Variants in ADCY9 observed in about 807,000 individuals in gnomAD.
ADCY9 encodes adenylate cyclase 9.
Under a neutral mutation model 101.5 loss-of-function variants are expected in ADCY9, and 50 were observed. The observed-to-expected ratio is 0.49, with a 90% confidence interval of 0.39 to 0.62. ADCY9 has a LOEUF of 0.62. ADCY9 is among the 20% of genes least tolerant of loss of function. The pLI, the probability that ADCY9 is intolerant of heterozygous loss-of-function variation, is 0.00. For missense variants in ADCY9, 1,662 were observed against 1,800.4 expected, an observed-to-expected ratio of 0.92 and a Z score of 1.39; for synonymous variants, 905 against 769.3, an observed-to-expected ratio of 1.18 and a Z score of -2.92.
chr16:4,028,978 T>A (rs574396244), intron 2 of ADCY9, among the ~76,000 whole-genome samples: 51 of 152,020 alleles, frequency 3.4e-4, no homozygotes, highest in African/African-American at 1.2e-3. Context: ...AGAGACGGGG[T>A]TTCACCATCT....
chr16:4,061,289 A>C (rs1012526305), intron 2 of ADCY9, among the ~76,000 whole-genome samples: 1 of 152,196 alleles, frequency 6.6e-6, no homozygotes, highest in South Asian at 2.1e-4. Context: ...AGCAGAAAAA[A>C]TTTTTTGAAA....
chr16:4,092,853 A>C (rs1286779530), intron 2 of ADCY9, among the ~76,000 whole-genome samples: 1 of 152,208 alleles, frequency 6.6e-6, no homozygotes, highest in Admixed American at 6.5e-5. Context: ...AATGTAACGA[A>C]GTAAAAACCA....
Position 3,974,652 on chromosome 16 carries a change from C to T in ADCY9, c.2870+17G>A, listed in dbSNP as rs2056079011. The T allele has an allele frequency of 1.2e-6, 2 of 1,606,730 alleles. No individual in the cohort carries two copies. The highest frequency in any genetic ancestry group is 1.7e-6 in the Non-Finnish European group (2 of 1,173,710). On this transcript the variant is annotated intron_variant, in intron 10 of 10. Transcript: ENST00000294016. Reference sequence around the variant, plus strand: ...ACTCTCGTTTATTCAGACAGAAGTGCAATATTAAAAGCTTACCTGAAATTC... The same window carrying T: ...ACTCTCGTTTATTCAGACAGAAGTGTAATATTAAAAGCTTACCTGAAATTC...
At position 3,981,067 on chromosome 16, in the gene ADCY9, C is replaced by T. The variant is rs374878102; in HGVS notation, c.2520-1792G>A. The stretch of plus-strand genomic sequence containing the variant: ...TCCCGTCAACCTGGGGTCCTCAACA[C>T]GGCCCTCAGAGGGGCCAGGGAAGCC... On this transcript the variant is annotated intron_variant, in intron 7 of 10. Transcript: ENST00000294016. Among the ~76,000 whole-genome samples, 3 of 152,226 alleles carry T rather than the reference C, an allele frequency of 2.0e-5. No individual in the cohort carries two copies. The East Asian group carries it at 5.8e-4, about 29-fold the overall frequency.
chr16:4,047,256 A>G (rs760591385), intron 2 of ADCY9, among the ~76,000 whole-genome samples: 19 of 152,070 alleles, frequency 1.2e-4, no homozygotes, highest in Non-Finnish European at 2.8e-4. Flanking sequence ...ATGTTTGGAC[A>G]CCCTTCTCCT....
intron 2 of ADCY9, chr16:4,015,426 C>G (rs1479271036): frequency 6.6e-6 from 1 of 152,130 alleles, no homozygotes; most frequent in Non-Finnish European, 1.5e-5. Context: ...AGAAATGAGT[C>G]TCTGAGAGAC....
downstream of ADCY9, among the ~76,000 whole-genome samples, chr16:3,958,817 C>T (rs146284715): frequency 6.6e-3 from 995 of 151,434 alleles, 11 homozygotes; most frequent in East Asian, 0.051. Context: ...ACCACAGGCA[C>T]CCACCACTAC....
intron 2 of ADCY9, among the ~76,000 whole-genome samples, chr16:4,102,485 G>A (rs1255465337): frequency 6.6e-6 from 1 of 152,182 alleles, no homozygotes; most frequent in Non-Finnish European, 1.5e-5. Context: ...GAGAGCAGTG[G>A]CATGATCTCA....
At chr16:4,106,315 A>G (rs1175326330) in intron 2 of ADCY9, among the ~76,000 whole-genome samples, 2 of 152,246 alleles carry the variant, frequency 1.3e-5, no homozygotes, top group African/African-American at 4.8e-5. Flanking sequence ...CAGTCTTCCC[A>G]GGGGAGGACC....
At chr16:4,071,157 C>T (rs1379963820) in intron 2 of ADCY9, among the ~76,000 whole-genome samples, 1 of 143,834 alleles carries the variant, frequency 7.0e-6, no homozygotes, top group Non-Finnish European at 1.5e-5. Flanking sequence ...TGGTAATATC[C>T]CATCTCTCCT....
intron 2 of ADCY9, among the ~76,000 whole-genome samples, chr16:4,051,927 G>A (rs2056704438): frequency 6.6e-6 from 1 of 152,140 alleles, no homozygotes; most frequent in Non-Finnish European, 1.5e-5. Context: ...CTCCCCACCA[G>A]AAACAGTACT....
Position 3,965,577 on chromosome 16 carries a change from A to G in ADCY9, c.*198T>C. On this transcript the variant is annotated 3_prime_UTR_variant, in exon 11 of 11. Coordinates refer to ENST00000294016, the MANE Select transcript of ADCY9 (RefSeq NM_001116.4). ...ATGACCCAGAGGCAGCGGGGTTTCCAGGGAAGGGAGCGAAAGGGAAGAATG... is the reference window on the plus strand; with the variant it reads ...ATGACCCAGAGGCAGCGGGGTTTCCGGGGAAGGGAGCGAAAGGGAAGAATG... The G allele has an allele frequency of 1.6e-6, 1 of 614,192 alleles. No homozygotes were observed. 38.0% of individuals were successfully genotyped at this position (614,192 alleles called of 1,614,324 possible).
At chr16:4,109,319 T>C (rs1173319594) in intron 2 of ADCY9, among the ~76,000 whole-genome samples, 1 of 152,196 alleles carries the variant, frequency 6.6e-6, no homozygotes, top group Non-Finnish European at 1.5e-5. Flanking sequence ...AACCTCGACC[T>C]CGTGGGCTCC....
At position 3,965,557 on chromosome 16, in the gene ADCY9, C is replaced by G. The variant is rs892516143; in HGVS notation, c.*218G>C. 1.7e-6 allele frequency: 1 copy of G among 596,564 alleles called. No individual in the cohort carries two copies. Among genetic ancestry groups the G allele is most frequent in the African/African-American group, 1.9e-5 (1 of 53,798 alleles). 37.0% of individuals were successfully genotyped at this position (596,564 alleles called of 1,614,324 possible). A position where few individuals can be genotyped will look rare whatever the true frequency, so the allele number is the denominator to read the frequency against. On this transcript the variant is annotated 3_prime_UTR_variant, in exon 11 of 11. Coordinates refer to ENST00000294016, the MANE Select transcript of ADCY9 (RefSeq NM_001116.4). ...CTCCACCACGTGCTGAACGGATGAC[C>G]CAGAGGCAGCGGGGTTTCCAGGGAA...
At position 4,115,770 on chromosome 16, in the gene ADCY9, C is replaced by A; in HGVS notation, c.-124G>T. 2.5e-6 allele frequency: 1 copy of A among 405,550 alleles called. No homozygotes were observed. The highest frequency in any genetic ancestry group is 4.3e-6 in the Non-Finnish European group (1 of 230,568). 25.1% of individuals were successfully genotyped at this position (405,550 alleles called of 1,614,324 possible). Reference sequence around the variant, plus strand: ...CTCGCTCGCCTTCCGCGCCTCTCGCCCCGAGGGTGGCCTCCGCGCCGCGCG... The same window carrying A: ...CTCGCTCGCCTTCCGCGCCTCTCGCACCGAGGGTGGCCTCCGCGCCGCGCG... On this transcript the variant is annotated 5_prime_UTR_variant, in exon 1 of 11. Transcript: ENST00000294016. This position sits in a 1 kb window ranked among gnomAD's most constrained non-coding sequence, Gnocchi z 6.2.
chr16:4,073,221 A>G (rs2056846053), intron 2 of ADCY9, among the ~76,000 whole-genome samples: 2 of 151,712 alleles, frequency 1.3e-5, no homozygotes, highest in South Asian at 4.2e-4. Flanking sequence ...CGGCCTCCCA[A>G]GTAGCTGGAA....
rs543697329 is a variant in ADCY9 at position 4,098,358 on chromosome 16, C to T, written c.1693+15392G>A. On this transcript the variant is annotated intron_variant, in intron 2 of 10. Transcript: ENST00000294016. ...AAGTGATTCTCCTGTCTCAATTTCCCGAGTAGCTGGGACTACAGGTGCACG... is the reference window on the plus strand; with the variant it reads ...AAGTGATTCTCCTGTCTCAATTTCCTGAGTAGCTGGGACTACAGGTGCACG... Among the ~76,000 whole-genome samples, 15 of 152,038 alleles carry T rather than the reference C, an allele frequency of 9.9e-5. No individual in the cohort carries two copies. The South Asian group carries it at 2.5e-3, about 25-fold the overall frequency.
intron 2 of ADCY9, among the ~76,000 whole-genome samples, chr16:4,065,685 C>A (rs965871625): frequency 6.6e-6 from 1 of 152,250 alleles, no homozygotes; most frequent in South Asian, 2.1e-4. Context: ...AATTCTGCCT[C>A]AGCCTCCCGA....
chr16:4,011,577 G>A (rs532106918), intron 2 of ADCY9, among the ~76,000 whole-genome samples: 2 of 152,356 alleles, frequency 1.3e-5, no homozygotes, highest in East Asian at 1.9e-4. Context: ...CAAGCGTGAT[G>A]GGCGAGGGCC....
Sources: allele counts gnomAD v4.1 joint callset (sites outside exome capture counted in the v4.1 genomes callset), GRCh38; gene constraint gnomAD v4.1.1; non-coding constraint Gnocchi (gnomAD v3.1); transcripts MANE v1.5; gene names NCBI Gene and HGNC (gene_info 2026-07-23, HGNC 2026-07-21).